ZFHX3: variants seen among roughly 807,000 people sequenced by gnomAD.
ZFHX3 encodes the protein zinc finger homeobox protein 3.
In ZFHX3, 42 loss-of-function variants were observed where a neutral mutation model predicts 279.1. The ratio of observed to expected loss-of-function variants is 0.15; its 90% CI spans 0.12 to 0.19. ZFHX3 has a LOEUF of 0.19. ZFHX3 is among the 10% of genes least tolerant of loss of function. The pLI is 1.00. For synonymous variants in ZFHX3, 2,293 were observed against 1,957.8 expected, an observed-to-expected ratio of 1.17 and a Z score of -4.52; for missense variants, 4,981 against 4,754.0, an observed-to-expected ratio of 1.05 and a Z score of -1.40.
At chr16:72,838,716 G>A (rs1178810574) in intron 4 of ZFHX3, among the ~76,000 whole-genome samples, 2 of 152,088 alleles carry the variant, frequency 1.3e-5, no homozygotes, top group African/African-American at 4.8e-5. Flanking sequence ...GGTCAAGAGA[G>A]GAGAAAAAGG....
At chr16:73,160,081 A>T (rs548133623) in intron 5 of ZFHX3, among the ~76,000 whole-genome samples, 1 of 152,244 alleles carries the variant, frequency 6.6e-6, no homozygotes, top group Admixed American at 6.5e-5. Context: ...ATTATTAGGG[A>T]CTTCTTTCCT....
intron 1 of ZFHX3, among the ~76,000 whole-genome samples, chr16:72,994,233 G>A (rs922293479): frequency 6.6e-6 from 1 of 152,150 alleles, no homozygotes; most frequent in Admixed American, 6.5e-5. Context: ...TATTATTTTA[G>A]AATTCTTTAT....
At chr16:72,844,786 C>G (rs1310178139) in intron 4 of ZFHX3, among the ~76,000 whole-genome samples, 1 of 152,122 alleles carries the variant, frequency 6.6e-6, no homozygotes, top group African/African-American at 2.4e-5. Context: ...TCTTGCTATG[C>G]ATTTGTGGCA....
At chr16:73,404,329 A>C (rs1426469543) in intron 3 of ZFHX3, among the ~76,000 whole-genome samples, 3 of 152,182 alleles carry the variant, frequency 2.0e-5, no homozygotes, top group African/African-American at 7.2e-5. Flanking sequence ...GGAATGAACA[A>C]TCAAAATGTA....
chr16:73,327,272 C>T (rs1280754958), intron 3 of ZFHX3, among the ~76,000 whole-genome samples: 1 of 152,180 alleles, frequency 6.6e-6, no homozygotes, highest in Non-Finnish European at 1.5e-5. Context: ...TTTAACTATG[C>T]TGGCTTCTAC....
chr16:73,677,626 C>T (rs562882126), intron 2 of ZFHX3, among the ~76,000 whole-genome samples: 2 of 151,742 alleles, frequency 1.3e-5, no homozygotes, highest in South Asian at 2.1e-4. Context: ...TTAACTATAA[C>T]AATATTTTGT....
chr16:73,713,215 C>T (rs568383346), intron 1 of ZFHX3, among the ~76,000 whole-genome samples: 59 of 152,320 alleles, frequency 3.9e-4, no homozygotes, highest in Admixed American at 7.2e-4. Context: ...TAACTCACTA[C>T]CAGCCAAGCT....
At chr16:73,774,722 C>T (rs76520398) in intron 1 of ZFHX3, among the ~76,000 whole-genome samples, 5,122 of 152,230 alleles carry the variant, frequency 0.034, 125 homozygotes, top group Middle Eastern at 0.048. Context: ...AGTACAACCT[C>T]GGTTTATCAG....
At chr16:73,080,325 T>G (rs1003410160) in intron 8 of ZFHX3, among the ~76,000 whole-genome samples, 1 of 152,222 alleles carries the variant, frequency 6.6e-6, no homozygotes, top group Non-Finnish European at 1.5e-5. Flanking sequence ...TGTTATGGAC[T>G]GAAAGTTTGT....
chr16:73,481,864 C>G (rs1286344602), intron 2 of ZFHX3, among the ~76,000 whole-genome samples: 1 of 152,030 alleles, frequency 6.6e-6, no homozygotes, highest in Non-Finnish European at 1.5e-5. Flanking sequence ...CCATATCTGC[C>G]CAGCCCAGAA....
rs56066135 is a variant in ZFHX3 at position 73,109,848 on chromosome 16, C to CAAAACAAAAACA, written c.-896-16262_-896-16251dup. Among the ~76,000 whole-genome samples, 1,464 of 149,994 alleles carry CAAAACAAAAACA rather than the reference C, an allele frequency of 9.8e-3. 10 individuals carry two copies. Among genetic ancestry groups the CAAAACAAAAACA allele is most frequent in the Non-Finnish European group, 0.013 (876 of 67,554 alleles). On this transcript the variant is annotated intron_variant, in intron 7 of 17. Coordinates refer to the ZFHX3 transcript ENST00000641206. ...TGGGCAACAGAGCGAGACTTGGTCT[C>CAAAACAAAAACA]AAAACAAAAACAAAAACAAAAACAA...
intron 7 of ZFHX3, among the ~76,000 whole-genome samples, chr16:73,121,809 G>A (rs1966503480): frequency 6.6e-6 from 1 of 151,874 alleles, no homozygotes; most frequent in Non-Finnish European, 1.5e-5. Flanking sequence ...TAGAGACGGG[G>A]TTTCACCATG....
intron 4 of ZFHX3, among the ~76,000 whole-genome samples, chr16:72,857,857 T>C (rs2037791546): frequency 6.6e-6 from 1 of 152,170 alleles, no homozygotes; most frequent in Admixed American, 6.5e-5. Context: ...ATGCCACTGG[T>C]TCTAAAAAGC....
intron 1 of ZFHX3, among the ~76,000 whole-genome samples, chr16:73,847,678 T>TG (rs1211530825): frequency 6.6e-6 from 1 of 152,114 alleles, no homozygotes; most frequent in African/African-American, 2.4e-5. Context: ...AAGATTAAAT[T>TG]TGACAATGTA....
intron 2 of ZFHX3, among the ~76,000 whole-genome samples, chr16:73,565,661 A>G (rs2020440497): frequency 6.6e-6 from 1 of 152,228 alleles, no homozygotes; most frequent in African/African-American, 2.4e-5. Context: ...GACTTGTCCA[A>G]GATAACTCAG....
intron 4 of ZFHX3, among the ~76,000 whole-genome samples, chr16:73,305,998 G>A (rs930005368): frequency 6.6e-6 from 1 of 152,156 alleles, no homozygotes; most frequent in Non-Finnish European, 1.5e-5. Flanking sequence ...ATCTTCAAAT[G>A]CGGATTCTGG....
At chr16:73,305,542 C>T (rs1192631595) in intron 4 of ZFHX3, among the ~76,000 whole-genome samples, 3 of 151,932 alleles carry the variant, frequency 2.0e-5, no homozygotes, top group Non-Finnish European at 4.4e-5. Flanking sequence ...ATTTCACTAA[C>T]TCACATGTCT....
chr16:72,930,389 G>C (rs116393671), intron 3 of ZFHX3, among the ~76,000 whole-genome samples: 1 of 151,830 alleles, frequency 6.6e-6, no homozygotes, highest in Non-Finnish European at 1.5e-5. Flanking sequence ...TGGAATTGGA[G>C]GGGAAAAAAG....
At position 73,760,015 on chromosome 16, in the gene ZFHX3, T is replaced by A. The variant is rs1463478708; in HGVS notation, c.-1607-79775A>T. Reference sequence around the variant, plus strand: ...ATCAATGAATCCAGGAGCTGTTTTTTTTTAAAAAAAAATTAATAAAACAGA... The same window carrying A: ...ATCAATGAATCCAGGAGCTGTTTTTATTTAAAAAAAAATTAATAAAACAGA... On this transcript the variant is annotated intron_variant, in intron 1 of 17. Coordinates refer to the ZFHX3 transcript ENST00000641206. Among the ~76,000 whole-genome samples, 7 of 150,822 alleles carry A rather than the reference T, an allele frequency of 4.6e-5. No individual in the cohort carries two copies. In the East Asian group the frequency reaches 1.4e-3, roughly 29 times the overall value.
Sources: allele counts gnomAD v4.1 joint callset (sites outside exome capture counted in the v4.1 genomes callset), GRCh38; gene constraint gnomAD v4.1.1; transcripts MANE v1.5; gene names NCBI Gene and HGNC (gene_info 2026-07-23, HGNC 2026-07-21).